Variants in RBFOX1 observed in about 807,000 individuals in gnomAD.
The protein encoded by RBFOX1 is RNA binding protein fox-1 homolog 1.
In RBFOX1, 8 loss-of-function variants were observed where a neutral mutation model predicts 57.7. The observed-to-expected ratio is 0.14, with a 90% CI of 0.08 to 0.25. The LOEUF (loss-of-function observed/expected upper bound fraction) is 0.25. Among genes scored for constraint, RBFOX1 ranks in the 10% least tolerant of loss-of-function variants. The pLI, the probability that RBFOX1 is intolerant of heterozygous loss-of-function variation, is 1.00. For synonymous variants in RBFOX1, 326 were observed against 222.4 expected (o/e 1.47, Z -4.15); for missense variants, 611 against 548.5 (o/e 1.11, Z -1.14).
At chr16:7,613,105 A>T (rs2057833311) in intron 10 of RBFOX1, among the ~76,000 whole-genome samples, 1 of 152,212 alleles carries the variant, frequency 6.6e-6, no homozygotes, top group African/African-American at 2.4e-5. Context: ...CATACAATTA[A>T]AGTAAAAATA....
chr16:5,569,437 CCTTTTTT>C (rs2046192405), intron 2 of RBFOX1, among the ~76,000 whole-genome samples: 2 of 58,622 alleles, frequency 3.4e-5, no homozygotes, highest in Admixed American at 2.2e-4. Context: ...TAAGAAGTAA[CCTTTTTT>C]TTTTTTTTTT....
At chr16:6,838,929 G>GT (rs1446222999) in intron 3 of RBFOX1, among the ~76,000 whole-genome samples, 2 of 151,482 alleles carry the variant, frequency 1.3e-5, no homozygotes, top group Admixed American at 6.6e-5. Flanking sequence ...CTGTGCACTG[G>GT]TTTTTGATTT....
At chr16:5,357,631 T>A (rs1314490167) in intron 1 of RBFOX1, among the ~76,000 whole-genome samples, 2 of 152,208 alleles carry the variant, frequency 1.3e-5, no homozygotes, top group Admixed American at 6.5e-5. Context: ...AACTCCCAGG[T>A]GATGGTGATG....
intron 3 of RBFOX1, among the ~76,000 whole-genome samples, chr16:6,835,218 G>A (rs1437249313): frequency 6.6e-6 from 1 of 152,078 alleles, no homozygotes; most frequent in East Asian, 1.9e-4. Context: ...CTTCTCTTGT[G>A]AAGATGGCTC....
At chr16:6,964,301 G>T (rs542006114) in intron 3 of RBFOX1, among the ~76,000 whole-genome samples, 3 of 152,358 alleles carry the variant, frequency 2.0e-5, no homozygotes, top group African/African-American at 7.2e-5. Flanking sequence ...TTATAGGCAT[G>T]AGCTGTTGTG....
At chr16:7,155,741 AC>A (rs2076981691) in intron 4 of RBFOX1, among the ~76,000 whole-genome samples, 1 of 105,518 alleles carries the variant, frequency 9.5e-6, no homozygotes, top group Non-Finnish European at 1.9e-5. Context: ...ATATATATAC[AC>A]ACACACACAC....
chr16:6,426,086 CT>C (rs200277280), intron 2 of RBFOX1, among the ~76,000 whole-genome samples: 5,582 of 73,576 alleles, frequency 0.076, 366 homozygotes, highest in African/African-American at 0.27. Context: ...CATTTTCTCC[CT>C]CTCTCTCTCT....
At chr16:6,861,235 C>G (rs1217066082) in intron 3 of RBFOX1, among the ~76,000 whole-genome samples, 1 of 152,114 alleles carries the variant, frequency 6.6e-6, no homozygotes, top group Non-Finnish European at 1.5e-5. Context: ...TATTTGCATG[C>G]TGAGTTTTTT....
At chr16:5,672,071 C>T (rs529907133) in intron 3 of RBFOX1, among the ~76,000 whole-genome samples, 1 of 152,178 alleles carries the variant, frequency 6.6e-6, no homozygotes, top group African/African-American at 2.4e-5. Context: ...CTTTCTTGGA[C>T]TTGCCTGGGT....
In RBFOX1 at chr16:6,644,057, C is replaced by T. The variant is rs565715541; in HGVS notation, c.-63-10546C>T. On this transcript the variant is annotated intron_variant, in intron 2 of 15. Coordinates refer to ENST00000550418, the MANE Select transcript of RBFOX1 (RefSeq NM_018723.4). ...AGGAGAATCGTTTGAACCCGGGAGG[C>T]AGAGTTTGCAGTGAGCCAAGATCAC... Among the ~76,000 whole-genome samples the T allele has an allele frequency of 6.2e-4, 94 of 152,210 alleles. No individual in the cohort carries two copies. In the Middle Eastern group the frequency reaches 0.01, roughly 17 times the overall value.
At chr16:5,982,768 C>G (rs945936092) in intron 4 of RBFOX1, among the ~76,000 whole-genome samples, 22 of 152,180 alleles carry the variant, frequency 1.4e-4, no homozygotes, top group Non-Finnish European at 2.6e-4. Context: ...ACAGAACTTA[C>G]TAGAAATAGA....
intron 4 of RBFOX1, among the ~76,000 whole-genome samples, chr16:7,186,245 AAC>A (rs1567617284): frequency 0.21 from 26,996 of 126,924 alleles, 3,441 homozygotes; most frequent in African/African-American, 0.3. Context: ...TATTTATATA[AAC>A]ATAAACATAT....
chr16:5,357,214 G>A (rs1179030913), intron 1 of RBFOX1, among the ~76,000 whole-genome samples: 2 of 152,170 alleles, frequency 1.3e-5, no homozygotes, highest in African/African-American at 2.4e-5. Flanking sequence ...CAGTGGGGTT[G>A]CCACAGCCAT....
At chr16:6,694,586 G>A (rs1461642977) in intron 3 of RBFOX1, among the ~76,000 whole-genome samples, 1 of 151,116 alleles carries the variant, frequency 6.6e-6, no homozygotes, top group Non-Finnish European at 1.5e-5. Flanking sequence ...TGGCTTGGGT[G>A]CAGGAACTCA....
chr16:6,567,866 G>T (rs1364806332), intron 2 of RBFOX1, among the ~76,000 whole-genome samples: 2 of 152,124 alleles, frequency 1.3e-5, no homozygotes, highest in Admixed American at 1.3e-4. Context: ...CTGTCACCCA[G>T]GCTGGAGTGA....
intron 4 of RBFOX1, among the ~76,000 whole-genome samples, chr16:5,915,557 C>G (rs369571861): frequency 1.1e-4 from 16 of 152,058 alleles, no homozygotes; most frequent in Admixed American, 3.9e-4. Flanking sequence ...ACAGGCTGGG[C>G]GCCGTGGCTC....
At chr16:5,248,505 A>G (rs995365413) in intron 1 of RBFOX1, among the ~76,000 whole-genome samples, 1 of 152,184 alleles carries the variant, frequency 6.6e-6, no homozygotes, top group Non-Finnish European at 1.5e-5. Flanking sequence ...AGCCTAGCAC[A>G]GGGTTCCTGC....
At chr16:6,251,879 T>A (rs2097616337) in intron 1 of RBFOX1, among the ~76,000 whole-genome samples, 1 of 152,130 alleles carries the variant, frequency 6.6e-6, no homozygotes, top group South Asian at 2.1e-4. Context: ...TGTCCAGGAT[T>A]CTGTGACCTT....
chr16:7,243,156 G>A (rs2094145155), intron 4 of RBFOX1, among the ~76,000 whole-genome samples: 1 of 152,104 alleles, frequency 6.6e-6, no homozygotes, highest in South Asian at 2.1e-4. Flanking sequence ...AACACACCCA[G>A]TATTAAATCA....
Sources: allele counts gnomAD v4.1 joint callset (sites outside exome capture counted in the v4.1 genomes callset), GRCh38; gene constraint gnomAD v4.1.1; transcripts MANE v1.5; gene names NCBI Gene and HGNC (gene_info 2026-07-23, HGNC 2026-07-21).